The following RNLS variants were observed in gnomAD, a reference collection of about 807,000 sequenced individuals.
RNLS encodes renalase.
In RNLS, 39 loss-of-function variants were observed where a neutral mutation model predicts 39.8. The observed-to-expected ratio is 0.98, with a 90% CI of 0.76 to 1.28. The LOEUF (loss-of-function observed/expected upper bound fraction) is 1.28. RNLS is among the 50% of genes most tolerant of loss of function. The pLI is 0.00. For missense variants in RNLS, 410 were observed against 413.3 expected, an observed-to-expected ratio of 0.99 and a Z score of 0.07; for synonymous variants, 147 against 150.7, an observed-to-expected ratio of 0.98 and a Z score of 0.18.
At chr10:88,275,957 G>A (rs969387099) in intron 6 of RNLS, among the ~76,000 whole-genome samples, 1 of 152,090 alleles carries the variant, frequency 6.6e-6, no homozygotes, top group Admixed American at 6.6e-5. Context: ...GGGAGGCTGA[G>A]GCAGGAGGAT....
intron 4 of RNLS, among the ~76,000 whole-genome samples, chr10:88,523,753 C>A (rs1025496146): frequency 6.6e-6 from 1 of 152,114 alleles, no homozygotes; most frequent in African/African-American, 2.4e-5. Context: ...CAGAACCTAG[C>A]TGGGATTCTC....
intron 4 of RNLS, among the ~76,000 whole-genome samples, chr10:88,472,177 C>T (rs1386224006): frequency 6.6e-6 from 1 of 152,082 alleles, no homozygotes; most frequent in African/African-American, 2.4e-5. Flanking sequence ...TTCCTTCCTG[C>T]CCAGGGCTGG....
the RNLS span, among the ~76,000 whole-genome samples, chr10:88,238,617 C>A: frequency 6.6e-6 from 1 of 152,198 alleles, no homozygotes; most frequent in Non-Finnish European, 1.5e-5. Flanking sequence ...TAGGGACTTG[C>A]TCCTTGTTCA....
At chr10:88,562,581 A>G (rs1330541791) in intron 4 of RNLS, among the ~76,000 whole-genome samples, 1 of 152,170 alleles carries the variant, frequency 6.6e-6, no homozygotes, top group East Asian at 1.9e-4. Context: ...GAAGAGAACC[A>G]TGAATGAAAT....
intron 4 of RNLS, among the ~76,000 whole-genome samples, chr10:88,519,926 C>A (rs573495296): frequency 6.6e-6 from 1 of 151,946 alleles, no homozygotes; most frequent in Non-Finnish European, 1.5e-5. Flanking sequence ...ATACTGCTGC[C>A]TTTGCCAAAC....
downstream of RNLS, among the ~76,000 whole-genome samples, chr10:88,272,189 A>T (rs951944733): frequency 1.3e-5 from 2 of 152,166 alleles, no homozygotes; most frequent in African/African-American, 2.4e-5. Context: ...TATTTTATAT[A>T]TCATATTTTC....
chr10:88,516,552 A>T (rs1340810059), intron 4 of RNLS, among the ~76,000 whole-genome samples: 2 of 152,078 alleles, frequency 1.3e-5, no homozygotes, highest in African/African-American at 4.8e-5. Context: ...TTAAGAAGGC[A>T]TATGCATTCA....
At chr10:88,309,056 G>C (rs1845151871) in intron 6 of RNLS, among the ~76,000 whole-genome samples, 1 of 152,148 alleles carries the variant, frequency 6.6e-6, no homozygotes, top group African/African-American at 2.4e-5. Context: ...TCACTTAAAA[G>C]TGGGAGCTAA....
At chr10:88,271,557 G>T (rs1842650139), downstream of RNLS, among the ~76,000 whole-genome samples, 1 of 152,144 alleles carries the variant, frequency 6.6e-6, no homozygotes, top group African/African-American at 2.4e-5. Flanking sequence ...TTCCGTGACA[G>T]CAAACAAGTA....
At chr10:88,549,220 C>T (rs984868853) in intron 4 of RNLS, among the ~76,000 whole-genome samples, 2 of 151,846 alleles carry the variant, frequency 1.3e-5, no homozygotes, top group African/African-American at 4.8e-5. Flanking sequence ...CAATTTGCTT[C>T]CTATTTTTAA....
intron 5 of RNLS, among the ~76,000 whole-genome samples, chr10:88,329,704 T>C (rs1206752202): frequency 6.6e-6 from 1 of 152,150 alleles, no homozygotes; most frequent in East Asian, 1.9e-4. Flanking sequence ...TCTCTATCTC[T>C]CCATGCTAAA....
intron 4 of RNLS, among the ~76,000 whole-genome samples, chr10:88,515,332 A>G (rs1330501261): frequency 6.6e-6 from 1 of 152,050 alleles, no homozygotes; most frequent in African/African-American, 2.4e-5. Context: ...TCAACCTTCA[A>G]AACTGCTTCA....
Position 88,583,115 on chromosome 10 carries a change from C to A in RNLS, c.76G>T (p.Gly26Cys). The A allele has an allele frequency of 1.2e-6, 2 of 1,614,118 alleles. No individual in the cohort carries two copies. The highest frequency in any genetic ancestry group is 1.7e-6 in the Non-Finnish European group (2 of 1,179,954). ...CAALLRRQTS[G>C]PLYLAVWDKA... ...TCCCACACAGCAAGGTACAAGGGAC[C>A]GGACGTCTGCCTCCTCAGCAGCGCA... Residue 26 changes from glycine (G) to cysteine (C), a missense_variant, in exon 1 of 7, where the codon GGT (glycine) becomes TGT (cysteine). Gly to Cys is a radical substitution (Grantham distance 159). Coordinates refer to ENST00000331772, the MANE Select transcript of RNLS (RefSeq NM_001031709.3).
At chr10:88,340,592 A>T (rs1847856308) in intron 5 of RNLS, among the ~76,000 whole-genome samples, 1 of 152,142 alleles carries the variant, frequency 6.6e-6, no homozygotes, top group South Asian at 2.1e-4. Flanking sequence ...TTATGATACT[A>T]CCTCTTCAAT....
chr10:88,490,847 G>A (rs1483976340), intron 4 of RNLS, among the ~76,000 whole-genome samples: 1 of 151,976 alleles, frequency 6.6e-6, no homozygotes, highest in African/African-American at 2.4e-5. Flanking sequence ...AAACCCTGGG[G>A]CATTTCAAAA....
the RNLS span, among the ~76,000 whole-genome samples, chr10:88,182,356 T>C: frequency 6.6e-6 from 1 of 152,140 alleles, no homozygotes; most frequent in African/African-American, 2.4e-5. Context: ...TAAAACAATA[T>C]TAGGTTTCAG....
intron 6 of RNLS, among the ~76,000 whole-genome samples, chr10:88,297,516 C>G (rs1398152223): frequency 1.4e-4 from 21 of 152,114 alleles, no homozygotes; most frequent in Admixed American, 1.4e-3. Flanking sequence ...CAATTAGTGA[C>G]CGGTAAACAC....
intron 4 of RNLS, among the ~76,000 whole-genome samples, chr10:88,435,428 T>C (rs988560942): frequency 8.0e-5 from 12 of 149,878 alleles, no homozygotes; most frequent in Admixed American, 7.3e-4. Flanking sequence ...TTACCAAATA[T>C]TTGGGGGTAA....
At chr10:88,440,637 G>C (rs534733393) in intron 4 of RNLS, among the ~76,000 whole-genome samples, 1 of 152,174 alleles carries the variant, frequency 6.6e-6, no homozygotes, top group Non-Finnish European at 1.5e-5. Flanking sequence ...TTGCCTGCTG[G>C]TGATGAGATA....
Sources: allele counts gnomAD v4.1 joint callset (sites outside exome capture counted in the v4.1 genomes callset), GRCh38; gene constraint gnomAD v4.1.1; transcripts MANE v1.5; gene names NCBI Gene and HGNC (gene_info 2026-07-23, HGNC 2026-07-21).